IFI44: variants seen among roughly 807,000 people sequenced by gnomAD.
IFI44 encodes the protein interferon-induced protein 44.
IFI44 carries 42 observed loss-of-function variants against 45.0 expected under a neutral mutation model. The ratio of observed to expected loss-of-function variants is 0.93; its 90% CI spans 0.73 to 1.21. The LOEUF is 1.21. Ranked by LOEUF, IFI44 falls within the 50% of genes most tolerant of loss-of-function variation. The pLI is 0.00. For synonymous variants in IFI44, 221 were observed against 188.6 expected (o/e 1.17, Z -1.41); for missense variants, 623 against 525.8 (o/e 1.18, Z -1.81).
intron 8 of IFI44, 195 bp downstream of exon 8, chr1:78,663,073 AGAATCTGC>A (rs1311542829): frequency 2.0e-6 from 2 of 985,102 alleles, no homozygotes; most frequent in Non-Finnish European, 2.4e-6. Context: ...TTCATACTAG[AGAATCTGC>A]ACTATGTTTT....
rs1647323037 is a variant in IFI44 at position 78,659,387 on chromosome 1, T to A, written c.916T>A (p.Cys306Ser). The A allele has an allele frequency of 6.2e-7, 1 of 1,612,974 alleles. No homozygotes were observed. The highest frequency in any genetic ancestry group is 1.1e-5 in the South Asian group (1 of 91,066). Residue 306 changes from cysteine to serine, a missense_variant, in exon 6 of 9, where the codon TGT becomes AGT. Transcript: ENST00000370747. Reference protein sequence around the residue: ...DSPSLKDRIHCVAFVFDASSI... With the variant: ...DSPSLKDRIHSVAFVFDASSI... ...CCCATCGCTGAAGGACAGAATTCAT[T>A]GTGTGGCATTTGTATTTGATGCCAG...
At chr1:78,654,398 G>A in intron 3 of IFI44, 119 bp downstream of exon 3, 1 of 573,818 alleles carries the variant, frequency 1.7e-6, no homozygotes, top group South Asian at 2.3e-5. Context: ...GGATCATCAA[G>A]AACAAACTGT....
chr1:78,653,999 A>C (rs766926816), intron 2 of IFI44, among the ~76,000 whole-genome samples: 2 of 152,170 alleles, frequency 1.3e-5, no homozygotes, highest in Non-Finnish European at 2.9e-5. Context: ...TTGAATGAGA[A>C]GAGATCTGCT....
At chr1:78,663,311 T>G (rs988749273) in intron 8 of IFI44, 1 of 985,326 alleles carries the variant, frequency 1.0e-6, no homozygotes, top group South Asian at 4.7e-5. Flanking sequence ...TTGACTTGCC[T>G]TTTTGTTTCT....
Position 78,650,644 on chromosome 1 carries a change from G to T in IFI44, c.449G>T (p.Arg150Leu). The T allele has an allele frequency of 1.3e-6, 2 of 1,577,146 alleles. No homozygotes were observed. Among genetic ancestry groups the T allele is most frequent in the Non-Finnish European group, 1.7e-6 (2 of 1,163,100 alleles). Residue 150 changes from arginine (R) to leucine (L), a missense_variant, in exon 2 of 9, where the codon CGA becomes CTA. By Grantham distance (102) the Arg-to-Leu change is moderately radical. Transcript: ENST00000370747. ...TCTATTCAGGATTATGAAGTTTTTCGATGCGAAGGTAGGTTTAATTAGATA... is the reference window on the plus strand; with the variant it reads ...TCTATTCAGGATTATGAAGTTTTTCTATGCGAAGGTAGGTTTAATTAGATA... ...TISIQDYEVF[R>L]CEDSLDERKI...
Position 78,657,282 on chromosome 1 carries a change from T to C in IFI44, c.840+1771T>C, listed in dbSNP as rs373193887. Among the ~76,000 whole-genome samples, 58 of 152,234 alleles carry C rather than the reference T, an allele frequency of 3.8e-4. 2 individuals are homozygous for C. In the South Asian group the frequency reaches 0.011, roughly 29 times the overall value. ...AGTCTCTTTGATTGTATGTTCTGAC[T>C]TTATATCCCTTGCTTTTTCCTTATC... On this transcript the variant is annotated intron_variant, in intron 5 of 8. Transcript: ENST00000370747.
At chr1:78,661,473 C>A (rs1221270143) in intron 7 of IFI44, among the ~76,000 whole-genome samples, 1 of 151,990 alleles carries the variant, frequency 6.6e-6, no homozygotes, top group Admixed American at 6.6e-5. Flanking sequence ...TCATTTATTA[C>A]AATTTAATTC....
chr1:78,658,322 A>C (rs1388637779), intron 5 of IFI44, among the ~76,000 whole-genome samples: 1 of 152,078 alleles, frequency 6.6e-6, no homozygotes, highest in Non-Finnish European at 1.5e-5. Flanking sequence ...ATCTCATCAT[A>C]ATCACACTTA....
chr1:78,658,954 C>A (rs1329934503), intron 5 of IFI44, among the ~76,000 whole-genome samples: 1 of 152,008 alleles, frequency 6.6e-6, no homozygotes, highest in Non-Finnish European at 1.5e-5. Context: ...CCTCCTTGCG[C>A]TCTGCTTGAT....
At chr1:78,656,012 A>G (rs1166801940) in intron 5 of IFI44, among the ~76,000 whole-genome samples, 1 of 152,166 alleles carries the variant, frequency 6.6e-6, no homozygotes, top group Admixed American at 6.6e-5. Context: ...GTGCTCTTAT[A>G]TACATAAGAA....
chr1:78,655,245 C>A, intron 4 of IFI44, 36 bp downstream of exon 4: 3 of 1,584,324 alleles, frequency 1.9e-6, no homozygotes, highest in South Asian at 2.3e-5. Flanking sequence ...CTTTGCTTCT[C>A]TGTTCAAATC....
In IFI44 at chr1:78,659,493, A is replaced by T; in HGVS notation, c.1012+10A>T. 6.2e-7 allele frequency: 1 copy of T among 1,605,702 alleles called. No homozygotes were observed. Among genetic ancestry groups the T allele is most frequent in the Non-Finnish European group, 8.5e-7 (1 of 1,173,498 alleles). ...GAGTTGGTAAACGCTGGTGAGTCTCATTCCACTTTGCTAAGGGTAATACCA... is the reference window on the plus strand; with the variant it reads ...GAGTTGGTAAACGCTGGTGAGTCTCTTTCCACTTTGCTAAGGGTAATACCA... On this transcript the variant is annotated intron_variant, in intron 6 of 8. Coordinates refer to ENST00000370747, the MANE Select transcript of IFI44 (RefSeq NM_006417.5).
Position 78,660,668 on chromosome 1 carries a change from C to T in IFI44, c.1113+14C>T, listed in dbSNP as rs568234190. 8.5e-6 allele frequency: 13 copies of T among 1,523,362 alleles called. No homozygotes were observed. Among genetic ancestry groups the T allele is most frequent in the Admixed American group, 1.7e-5 (1 of 59,818 alleles). 94.4% of individuals were successfully genotyped at this position (1,523,362 alleles called of 1,614,324 possible). On this transcript the variant is annotated intron_variant, in intron 7 of 8. Coordinates refer to ENST00000370747, the MANE Select transcript of IFI44 (RefSeq NM_006417.5). The stretch of plus-strand genomic sequence containing the variant: ...GTGAGGTCCAAGGTAATGAATGATG[C>T]CCTTCGTAAACACATTTTCTGGGGT...
intron 2 of IFI44, among the ~76,000 whole-genome samples, chr1:78,650,948 C>A (rs924272165): frequency 2.6e-5 from 4 of 152,170 alleles, no homozygotes; most frequent in Admixed American, 2.6e-4. Flanking sequence ...AAAAAACTTA[C>A]AACGAAACCA....
At position 78,660,602 on chromosome 1, in the gene IFI44, T is replaced by C. The variant is rs377228944; in HGVS notation, c.1061T>C (p.Ile354Thr). ...ACTCATGTGGATAGCATGGATTTGA[T>C]TACAAAAGGTGACCTTATAGAAATA... ...LLTHVDSMDL[I>T]TKGDLIEIER... Residue 354 changes from isoleucine (I) to threonine (T), a missense_variant, in exon 7 of 9, where the codon ATT becomes ACT. Physicochemically the swap from Ile to Thr is moderately conservative, Grantham distance 89. Coordinates refer to ENST00000370747, the MANE Select transcript of IFI44 (RefSeq NM_006417.5). 1.2e-6 allele frequency: 2 copies of C among 1,613,766 alleles called. No individual in the cohort carries two copies. The highest frequency in any genetic ancestry group is 1.7e-5 in the Admixed American group (1 of 59,980).
At chr1:78,663,205 T>C in intron 8 of IFI44, 1 of 985,330 alleles carries the variant, frequency 1.0e-6, no homozygotes, top group Non-Finnish European at 1.2e-6. Context: ...TTTCTTTACT[T>C]GGGACCTAGA....
At chr1:78,656,726 T>C (rs1300495463) in intron 5 of IFI44, among the ~76,000 whole-genome samples, 2 of 150,984 alleles carry the variant, frequency 1.3e-5, no homozygotes, top group Non-Finnish European at 3.0e-5. Flanking sequence ...AAATTATATT[T>C]ACACTTTATA....
chr1:78,663,493 T>C (rs1293738590), intron 8 of IFI44: 2 of 985,004 alleles, frequency 2.0e-6, no homozygotes, highest in African/African-American at 1.7e-5. Flanking sequence ...CAGTTTAGTA[T>C]ACTCAAATCT....
At chr1:78,656,649 C>G (rs1391328629) in intron 5 of IFI44, among the ~76,000 whole-genome samples, 1 of 151,358 alleles carries the variant, frequency 6.6e-6, no homozygotes, top group Non-Finnish European at 1.5e-5. Context: ...CATACATAGG[C>G]CTTTTCAAGT....
Sources: gnomAD v4.1 joint callset for allele counts (sites outside exome capture counted in the v4.1 genomes callset) on GRCh38, gnomAD v4.1.1 for gene constraint, MANE v1.5 for transcripts, NCBI Gene and HGNC (gene_info 2026-07-23, HGNC 2026-07-21) for gene names.